PTPRT: variants seen among roughly 807,000 people sequenced by gnomAD.
The protein encoded by PTPRT is receptor-type tyrosine-protein phosphatase T.
A neutral mutation model predicts 176.8 loss-of-function variants in PTPRT; 56 were observed. That is an observed-to-expected ratio of 0.32 (90% CI 0.26 to 0.40). The LOEUF (loss-of-function observed/expected upper bound fraction) is 0.40. Ranked by LOEUF, PTPRT falls within the 10% of genes least tolerant of loss-of-function variation. The probability of loss-of-function intolerance (pLI) is 1.00; values close to 1 mark genes in which losing one functional copy is unlikely to be tolerated. For synonymous variants in PTPRT, 783 were observed against 739.0 expected (o/e 1.06, Z -0.96); for missense variants, 1,540 against 1,908.2 (o/e 0.81, Z 3.60).
At chr20:42,766,219 T>G (rs551301754) in intron 5 of PTPRT, among the ~76,000 whole-genome samples, 1 of 152,296 alleles carries the variant, frequency 6.6e-6, no homozygotes, top group East Asian at 1.9e-4. Context: ...CTTGAAAAAT[T>G]GCTTGCAAAG....
intron 13 of PTPRT, chr20:42,270,578 A>C: frequency 1.4e-6 from 1 of 725,896 alleles, no homozygotes; most frequent in Non-Finnish European, 2.3e-6. Flanking sequence ...GCTCACACTA[A>C]ATAGCAAAAG....
At chr20:42,330,432 C>T (rs1010139678) in intron 11 of PTPRT, among the ~76,000 whole-genome samples, 10 of 151,990 alleles carry the variant, frequency 6.6e-5, no homozygotes, top group Admixed American at 5.9e-4. Flanking sequence ...GCCAGGATCA[C>T]GCCACTGCAC....
intron 19 of PTPRT, among the ~76,000 whole-genome samples, chr20:42,128,140 A>G (rs532076036): frequency 6.6e-6 from 1 of 152,204 alleles, no homozygotes; most frequent in East Asian, 1.9e-4. Context: ...GGCTTGTGCT[A>G]TTCTCTCTAA....
the PTPRT span, among the ~76,000 whole-genome samples, chr20:42,042,195 G>A: frequency 3.1e-3 from 471 of 152,326 alleles, 3 homozygotes; most frequent in Middle Eastern, 0.01. Context: ...GGAGCAGGGA[G>A]AATGGCTCAC....
chr20:42,546,058 T>C (rs936817440), intron 7 of PTPRT, among the ~76,000 whole-genome samples: 4 of 152,224 alleles, frequency 2.6e-5, no homozygotes, highest in African/African-American at 9.6e-5. Context: ...ACATTCCTGG[T>C]GTATTTGTGT....
chr20:42,905,472 G>C (rs374842873), intron 1 of PTPRT, among the ~76,000 whole-genome samples: 3 of 152,316 alleles, frequency 2.0e-5, no homozygotes, highest in African/African-American at 7.2e-5. Context: ...GTTGGTGGGA[G>C]TGTAAATTAG....
chr20:42,385,063 T>C (rs1447793592), intron 9 of PTPRT, among the ~76,000 whole-genome samples: 4 of 152,228 alleles, frequency 2.6e-5, no homozygotes, highest in Non-Finnish European at 5.9e-5. Context: ...CTTGTTGCCT[T>C]TGCTGTGCAA....
chr20:43,117,228 A>G (rs1340387032), intron 1 of PTPRT, among the ~76,000 whole-genome samples: 9 of 152,182 alleles, frequency 5.9e-5, no homozygotes, highest in Non-Finnish European at 1.5e-5. Flanking sequence ...CTGCATCTCT[A>G]CTGGGAATAG....
At chr20:42,060,232 A>G in the PTPRT span, among the ~76,000 whole-genome samples, 3 of 152,304 alleles carry the variant, frequency 2.0e-5, no homozygotes, top group Admixed American at 1.3e-4. Flanking sequence ...CCTGGGTGTT[A>G]GGGTCTTTAT....
At chr20:43,186,992 G>C (rs544117790) in intron 1 of PTPRT, among the ~76,000 whole-genome samples, 9 of 152,038 alleles carry the variant, frequency 5.9e-5, no homozygotes, top group Non-Finnish European at 8.8e-5. Context: ...ATCATGTTTT[G>C]CCACATTGTT....
At chr20:42,131,112 T>A (rs765430367) in intron 18 of PTPRT, among the ~76,000 whole-genome samples, 5 of 152,200 alleles carry the variant, frequency 3.3e-5, no homozygotes, top group African/African-American at 7.2e-5. Context: ...CCCACATAAC[T>A]TGCTGTCCCA....
intron 7 of PTPRT, among the ~76,000 whole-genome samples, chr20:42,630,256 C>T (rs6016854): frequency 0.38 from 57,447 of 151,964 alleles, 12,852 homozygotes; most frequent in African/African-American, 0.62. Context: ...GATTCTGTCC[C>T]AGAACCTCTA....
chr20:42,612,336 G>C (rs2073989113), intron 7 of PTPRT, among the ~76,000 whole-genome samples: 1 of 152,132 alleles, frequency 6.6e-6, no homozygotes, highest in African/African-American at 2.4e-5. Context: ...CAAATTTTCT[G>C]TCATGGAGAT....
chr20:43,150,172 T>C (rs1426789765), intron 1 of PTPRT, among the ~76,000 whole-genome samples: 1 of 152,218 alleles, frequency 6.6e-6, no homozygotes, highest in African/African-American at 2.4e-5. Flanking sequence ...AGATCCTCTA[T>C]GGCAGCAACC....
chr20:42,049,737 C>T, the PTPRT span, among the ~76,000 whole-genome samples: 2 of 152,176 alleles, frequency 1.3e-5, no homozygotes, highest in Non-Finnish European at 2.9e-5. Context: ...GCACCCCCAT[C>T]TCATTGAGTT....
intron 7 of PTPRT, among the ~76,000 whole-genome samples, chr20:42,523,837 G>T (rs1347464174): frequency 6.6e-6 from 1 of 150,936 alleles, no homozygotes; most frequent in Non-Finnish European, 1.5e-5. Flanking sequence ...AGTTAAAATT[G>T]TAGCCAGGCA....
intron 7 of PTPRT, among the ~76,000 whole-genome samples, chr20:42,642,175 A>C (rs908136323): frequency 6.6e-6 from 1 of 152,284 alleles, no homozygotes; most frequent in African/African-American, 2.4e-5. Context: ...GAGGATTCAC[A>C]CACTCCTGGA....
chr20:42,840,416 A>AT (rs768890775), intron 2 of PTPRT, among the ~76,000 whole-genome samples: 2 of 151,648 alleles, frequency 1.3e-5, no homozygotes, highest in South Asian at 4.2e-4. Flanking sequence ...TTTTATTTTC[A>AT]TTTTTTTGGT....
intron 1 of PTPRT, among the ~76,000 whole-genome samples, chr20:43,004,219 G>A (rs182726408): frequency 2.7e-5 from 4 of 148,938 alleles, no homozygotes; most frequent in Admixed American, 2.7e-4. Flanking sequence ...TCAAAGAGGG[G>A]ATTATTATCT....
Sources: allele counts gnomAD v4.1 joint callset (sites outside exome capture counted in the v4.1 genomes callset), GRCh38; gene constraint gnomAD v4.1.1; transcripts MANE v1.5; gene names NCBI Gene and HGNC (gene_info 2026-07-23, HGNC 2026-07-21).